The following PM20D2 variants were observed in gnomAD, a reference collection of about 807,000 sequenced individuals.
PM20D2 encodes peptidase M20 domain containing 2.
Under a neutral mutation model 42.9 loss-of-function variants are expected in PM20D2, and 33 were observed. The observed-to-expected ratio is 0.77, with a 90% CI of 0.58 to 1.03. The LOEUF is 1.03. Among genes scored for constraint, PM20D2 ranks in the 50% least tolerant of loss-of-function variants. PM20D2 has a pLI of 0.00. For synonymous variants in PM20D2, 250 were observed against 228.2 expected, an observed-to-expected ratio of 1.10 and a Z score of -0.86; for missense variants, 548 against 557.0, an observed-to-expected ratio of 0.98 and a Z score of 0.16.
chr6:89,117,686 C>G, the PM20D2 span: 1 of 827,178 alleles, frequency 1.2e-6, no homozygotes, highest in Non-Finnish European at 1.7e-6. Flanking sequence ...CACACCTCCC[C>G]AAGTGGCGCA....
intron 1 of PM20D2, among the ~76,000 whole-genome samples, chr6:89,147,710 CT>C (rs1770644277): frequency 1.3e-5 from 2 of 148,552 alleles, no homozygotes; most frequent in African/African-American, 2.5e-5. Flanking sequence ...GGTGAAACCT[CT>C]GTCTCTACTA....
At chr6:89,154,927 A>G (rs775391699) in intron 4 of PM20D2, 25 bp downstream of exon 4, 4 of 1,545,462 alleles carry the variant, frequency 2.6e-6, no homozygotes, top group Non-Finnish European at 3.5e-6. Context: ...AAGTTAATCT[A>G]AGTTACAATC....
At chr6:89,105,167 C>G in the PM20D2 span, 1 of 1,612,604 alleles carries the variant, frequency 6.2e-7, no homozygotes, top group South Asian at 1.1e-5. Flanking sequence ...TGAAGAACTT[C>G]TACTTCGAGT....
chr6:89,146,702 G>T (rs943090252), intron 1 of PM20D2, 93 bp downstream of exon 1: 15 of 1,075,768 alleles, frequency 1.4e-5, no homozygotes, highest in Non-Finnish European at 1.7e-5. Flanking sequence ...CGCGCGCCTC[G>T]GTGCCCTCCC....
chr6:89,099,695 C>T, the PM20D2 span, among the ~76,000 whole-genome samples: 1 of 151,886 alleles, frequency 6.6e-6, no homozygotes, highest in African/African-American at 2.4e-5. Context: ...GCCACCACGC[C>T]CAGCTAACTT....
chr6:89,160,607 G>A (rs771304574), intron 5 of PM20D2, among the ~76,000 whole-genome samples: 42 of 152,204 alleles, frequency 2.8e-4, no homozygotes, highest in Non-Finnish European at 4.7e-4. Context: ...TCAATCCTGT[G>A]AGAAGCTAGA....
chr6:89,127,815 A>G, the PM20D2 span, among the ~76,000 whole-genome samples: 1 of 152,232 alleles, frequency 6.6e-6, no homozygotes, highest in East Asian at 1.9e-4. Context: ...GGGACCCCCA[A>G]ATGGAGGGAC....
intron 5 of PM20D2, 48 bp downstream of exon 5, chr6:89,158,508 A>G (rs1001373865): frequency 8.3e-6 from 13 of 1,575,728 alleles, no homozygotes; most frequent in Admixed American, 3.9e-5. Flanking sequence ...GAAGAGAAAT[A>G]CCATCTTTGG....
the PM20D2 span, among the ~76,000 whole-genome samples, chr6:89,129,678 C>A: frequency 6.7e-6 from 1 of 149,632 alleles, no homozygotes; most frequent in Non-Finnish European, 1.5e-5. Context: ...ACTGCAGCCT[C>A]ACCATCCTGG....
At chr6:89,126,028 G>A in the PM20D2 span, among the ~76,000 whole-genome samples, 2 of 151,986 alleles carry the variant, frequency 1.3e-5, no homozygotes, top group East Asian at 1.9e-4. Flanking sequence ...GGAGGTTGCA[G>A]TTAGCTGAGA....
At chr6:89,108,737 T>C in the PM20D2 span, among the ~76,000 whole-genome samples, 32 of 152,346 alleles carry the variant, frequency 2.1e-4, no homozygotes, top group African/African-American at 7.5e-4. Flanking sequence ...TTTGAGGTGA[T>C]GGTAGAACAC....
At chr6:89,137,760 C>T in the PM20D2 span, among the ~76,000 whole-genome samples, 9 of 152,102 alleles carry the variant, frequency 5.9e-5, no homozygotes, top group African/African-American at 1.2e-4. Context: ...TTTACAGCTG[C>T]ATACTGTTTC....
the PM20D2 span, among the ~76,000 whole-genome samples, chr6:89,137,906 T>C: frequency 6.6e-6 from 1 of 152,150 alleles, no homozygotes; most frequent in Non-Finnish European, 1.5e-5. Context: ...CCATTGGACA[T>C]TCCAGTTTAA....
In PM20D2 at chr6:89,146,619, G is replaced by A; in HGVS notation, c.465+10G>A. The A allele has an allele frequency of 7.1e-7, 1 of 1,416,732 alleles. No homozygotes were observed. Among genetic ancestry groups the A allele is most frequent in the Admixed American group, 3.0e-5 (1 of 32,898 alleles). 87.8% of individuals were successfully genotyped at this position (1,416,732 alleles called of 1,614,324 possible). A position where few individuals can be genotyped will look rare whatever the true frequency, so the allele number is the denominator to read the frequency against. On this transcript the variant is annotated intron_variant, in intron 1 of 6. Coordinates refer to ENST00000275072, the MANE Select transcript of PM20D2 (RefSeq NM_001010853.3). Reference sequence around the variant, plus strand: ...GCCTCCGCCCGTGAAGGTGAGGTGGGGCCCGGGTGCGGGACCCTATCCGAC... The same window carrying A: ...GCCTCCGCCCGTGAAGGTGAGGTGGAGCCCGGGTGCGGGACCCTATCCGAC...
chr6:89,140,036 C>T, the PM20D2 span, among the ~76,000 whole-genome samples: 1 of 152,136 alleles, frequency 6.6e-6, no homozygotes, highest in Admixed American at 6.5e-5. Context: ...GTTACACAAA[C>T]GTGAGCATAT....
At chr6:89,098,996 A>C in the PM20D2 span, 1 of 1,532,152 alleles carries the variant, frequency 6.5e-7, no homozygotes, top group African/African-American at 1.4e-5. Flanking sequence ...AAAATAAGAG[A>C]TCAGGAAATA....
intron 1 of PM20D2, among the ~76,000 whole-genome samples, chr6:89,147,902 AAG>A (rs1562247429): frequency 6.6e-6 from 1 of 151,698 alleles, no homozygotes; most frequent in Non-Finnish European, 1.5e-5. Context: ...TAAAAAAAAA[AAG>A]AGCGGCGGCT....
chr6:89,151,543 A>G (rs1770842642), intron 2 of PM20D2, among the ~76,000 whole-genome samples: 1 of 152,182 alleles, frequency 6.6e-6, no homozygotes, highest in Non-Finnish European at 1.5e-5. Context: ...TTTCTAATGA[A>G]TAAGATAAAG....
chr6:89,106,734 T>C, the PM20D2 span: 1 of 303,272 alleles, frequency 3.3e-6, no homozygotes, highest in South Asian at 3.0e-5. Flanking sequence ...GCTTGCAAGA[T>C]GGACTTTATA....
Sources: gnomAD v4.1 joint callset for allele counts (sites outside exome capture counted in the v4.1 genomes callset) on GRCh38, gnomAD v4.1.1 for gene constraint, MANE v1.5 for transcripts, NCBI Gene and HGNC (gene_info 2026-07-23, HGNC 2026-07-21) for gene names.